The following CACNB2 variants were observed in gnomAD, a reference collection of about 807,000 sequenced individuals.
CACNB2 encodes the protein calcium voltage-gated channel auxiliary subunit beta 2.
In CACNB2, 42 loss-of-function variants were observed where a neutral mutation model predicts 73.3. The observed-to-expected ratio is 0.57, with a 90% CI of 0.45 to 0.74. The LOEUF (loss-of-function observed/expected upper bound fraction) is 0.74, where lower values mean the gene tolerates loss of function less well. CACNB2 is among the 30% of genes least tolerant of loss of function. CACNB2 has a pLI of 0.00. For missense variants in CACNB2, 940 were observed against 853.0 expected (o/e 1.10, Z -1.27); for synonymous variants, 348 against 310.3 (o/e 1.12, Z -1.28).
chr10:18,301,840 G>A (rs1239625467), intron 2 of CACNB2, among the ~76,000 whole-genome samples: 1 of 151,754 alleles, frequency 6.6e-6, no homozygotes, highest in East Asian at 2.0e-4. Flanking sequence ...GTAGAGACGG[G>A]GTTTCACCAT....
intron 2 of CACNB2, among the ~76,000 whole-genome samples, chr10:18,290,027 G>A (rs1175152787): frequency 6.7e-6 from 1 of 148,728 alleles, no homozygotes; most frequent in African/African-American, 2.5e-5. Flanking sequence ...GCACTCCTTT[G>A]ACTTAATAGA....
intron 2 of CACNB2, among the ~76,000 whole-genome samples, chr10:18,297,101 G>C (rs1241332084): frequency 6.6e-6 from 1 of 152,126 alleles, no homozygotes; most frequent in African/African-American, 2.4e-5. Flanking sequence ...ACATGAATTC[G>C]GGGATTTATC....
At chr10:18,438,520 C>T (rs970519933) in intron 3 of CACNB2, among the ~76,000 whole-genome samples, 3 of 152,170 alleles carry the variant, frequency 2.0e-5, no homozygotes, top group African/African-American at 7.2e-5. Flanking sequence ...TGCAGCCTCG[C>T]GGTCCCTCAC....
chr10:18,395,006 A>C (rs1323165982), intron 2 of CACNB2, among the ~76,000 whole-genome samples: 2 of 152,212 alleles, frequency 1.3e-5, no homozygotes, highest in Non-Finnish European at 1.5e-5. Flanking sequence ...GAACTCACAC[A>C]GGCTGAAGGA....
At chr10:18,241,951 C>G (rs1490544326) in intron 2 of CACNB2, among the ~76,000 whole-genome samples, 1 of 151,910 alleles carries the variant, frequency 6.6e-6, no homozygotes, top group South Asian at 2.1e-4. Flanking sequence ...ACAAAATATT[C>G]AAATAACAAT....
intron 2 of CACNB2, among the ~76,000 whole-genome samples, chr10:18,355,206 T>TA (rs2041859529): frequency 1.7e-5 from 2 of 117,728 alleles, no homozygotes; most frequent in African/African-American, 3.3e-5. Context: ...GCATGTACAC[T>TA]CTAAGTGTTT....
At chr10:18,465,807 G>A (rs565810017) in intron 3 of CACNB2, among the ~76,000 whole-genome samples, 9 of 150,908 alleles carry the variant, frequency 6.0e-5, no homozygotes, top group Admixed American at 1.3e-4. Context: ...TCAGCCTCCC[G>A]AGTAGCTGGG....
chr10:18,167,809 C>G (rs1360881172), intron 2 of CACNB2, among the ~76,000 whole-genome samples: 2 of 152,146 alleles, frequency 1.3e-5, no homozygotes, highest in African/African-American at 4.8e-5. Context: ...CCAGAACATT[C>G]TCCAGGTAAG....
chr10:18,357,387 A>G (rs955102947), intron 2 of CACNB2, among the ~76,000 whole-genome samples: 1 of 152,212 alleles, frequency 6.6e-6, no homozygotes, highest in Admixed American at 6.5e-5. Flanking sequence ...AGATTAATTT[A>G]TTCTCTGGTA....
rs1228158889 is a variant in CACNB2, at chr10:18,539,403, A to T, written c.1662A>T (p.Thr554=). Residue 554 remains threonine, a synonymous_variant, in exon 14 of 14, where the codon ACA becomes ACT. Transcript: ENST00000324631. ...GTSRGLSRQE[T]FDSETQESRD... is the part of the protein sequence containing the mutation. ...GTCGCGGCCTCTCCAGGCAAGAGAC[A>T]TTTGACTCGGAAACCCAGGAGAGTC... The T allele has an allele frequency of 6.2e-7, 1 of 1,613,982 alleles. No homozygotes were observed. The highest frequency in any genetic ancestry group is 8.5e-7 in the Non-Finnish European group (1 of 1,180,016).
chr10:18,261,958 T>C (rs12261375), intron 2 of CACNB2: 61,733 of 518,736 alleles, frequency 0.12, 4,204 homozygotes, highest in African/African-American at 0.17. Context: ...TGGATGCTAA[T>C]TGCAATATGC....
intron 5 of CACNB2, among the ~76,000 whole-genome samples, chr10:18,503,145 G>GA (rs577598525): frequency 5.3e-5 from 8 of 151,900 alleles, no homozygotes; most frequent in African/African-American, 9.7e-5. Flanking sequence ...TTCTTAATGA[G>GA]AAAAAAAAGT....
rs575651525 is a variant in CACNB2 at position 18,471,517 on chromosome 10, A to C, written c.334-26838A>C. ...GCAAGATAGGAAGCTATTATCCTGCAGCCACTGGTTTTTGTGAAACTGCCC... is the reference window on the plus strand; with the variant it reads ...GCAAGATAGGAAGCTATTATCCTGCCGCCACTGGTTTTTGTGAAACTGCCC... On this transcript the variant is annotated intron_variant, in intron 3 of 13. Coordinates refer to ENST00000324631, the MANE Select transcript of CACNB2 (RefSeq NM_201596.3). Among the ~76,000 whole-genome samples the C allele has an allele frequency of 2.2e-3, 333 of 152,344 alleles. 1 individual carries two copies. The highest frequency in any genetic ancestry group is 9.3e-3 in the South Asian group (45 of 4,828).
At chr10:18,369,874 T>C (rs2042506060) in intron 2 of CACNB2, among the ~76,000 whole-genome samples, 1 of 152,198 alleles carries the variant, frequency 6.6e-6, no homozygotes, top group African/African-American at 2.4e-5. Flanking sequence ...GCCATTGCAC[T>C]CCACCCTTGG....
chr10:18,274,399 C>G (rs568044901), intron 2 of CACNB2, among the ~76,000 whole-genome samples: 3 of 152,220 alleles, frequency 2.0e-5, no homozygotes, highest in African/African-American at 7.2e-5. Context: ...GCTTCCTCAA[C>G]TTACTCCTGA....
intron 2 of CACNB2, among the ~76,000 whole-genome samples, chr10:18,243,130 AAAAC>A (rs1415630136): frequency 1.3e-5 from 2 of 152,196 alleles, no homozygotes; most frequent in Non-Finnish European, 2.9e-5. Context: ...TAAAATTAAT[AAAAC>A]AAATGTATGA....
intron 3 of CACNB2, among the ~76,000 whole-genome samples, chr10:18,440,298 T>C (rs1480438430): frequency 1.3e-5 from 2 of 152,140 alleles, no homozygotes; most frequent in Admixed American, 6.5e-5. Flanking sequence ...TTTCAACATA[T>C]GAATTTTGGG....
At chr10:18,188,419 G>A (rs888735467) in intron 2 of CACNB2, among the ~76,000 whole-genome samples, 4 of 151,992 alleles carry the variant, frequency 2.6e-5, no homozygotes, top group African/African-American at 7.3e-5. Context: ...CAATCTTCCC[G>A]CCTCAGCTTC....
chr10:18,436,906 T>A (rs2046162636), intron 3 of CACNB2, among the ~76,000 whole-genome samples: 1 of 152,224 alleles, frequency 6.6e-6, no homozygotes, highest in South Asian at 2.1e-4. Flanking sequence ...ACCTTATATT[T>A]GAAATCTCAC....
Sources: allele counts gnomAD v4.1 joint callset (sites outside exome capture counted in the v4.1 genomes callset), GRCh38; gene constraint gnomAD v4.1.1; transcripts MANE v1.5; gene names NCBI Gene and HGNC (gene_info 2026-07-23, HGNC 2026-07-21).